SAMD12: variants seen among roughly 807,000 people sequenced by gnomAD.
The protein encoded by SAMD12 is sterile alpha motif domain containing 12.
SAMD12 carries 9 observed loss-of-function variants against 15.0 expected under a neutral mutation model. The observed-to-expected ratio is 0.60, with a 90% CI of 0.36 to 1.05. SAMD12 has a LOEUF of 1.05. SAMD12 is among the 50% of genes least tolerant of loss of function. SAMD12 has a pLI of 0.01. For synonymous variants in SAMD12, 86 were observed against 90.1 expected (o/e 0.96, Z 0.25); for missense variants, 230 against 234.2 (o/e 0.98, Z 0.12).
At chr8:118,153,761 C>T in the SAMD12 span, among the ~76,000 whole-genome samples, 1 of 152,102 alleles carries the variant, frequency 6.6e-6, no homozygotes, top group Admixed American at 6.6e-5. Flanking sequence ...TTACCTTTCC[C>T]CTTCCTCCAT....
the SAMD12 span, among the ~76,000 whole-genome samples, chr8:118,175,792 A>G: frequency 1.3e-5 from 2 of 152,354 alleles, no homozygotes; most frequent in East Asian, 3.9e-4. Flanking sequence ...ATGATATATC[A>G]TATCACACTG....
At chr8:118,446,095 T>C (rs1264582302) in intron 2 of SAMD12, among the ~76,000 whole-genome samples, 2 of 152,176 alleles carry the variant, frequency 1.3e-5, no homozygotes, top group East Asian at 3.9e-4. Context: ...CGTATTTGCA[T>C]AATTTACATA....
intron 2 of SAMD12, among the ~76,000 whole-genome samples, chr8:118,493,805 G>T (rs1824521039): frequency 6.6e-6 from 1 of 152,124 alleles, no homozygotes; most frequent in Admixed American, 6.6e-5. Context: ...GAAATAGGAG[G>T]TGGACACCAC....
intron 2 of SAMD12, among the ~76,000 whole-genome samples, chr8:118,574,942 C>T (rs763822978): frequency 8.5e-5 from 13 of 152,194 alleles, no homozygotes; most frequent in Non-Finnish European, 1.6e-4. Flanking sequence ...CAGACCTTCT[C>T]AAAGGCAGCT....
chr8:118,270,586 TG>T (rs34730065), intron 4 of SAMD12, among the ~76,000 whole-genome samples: 27,520 of 152,188 alleles, frequency 0.18, 2,577 homozygotes, highest in Non-Finnish European at 0.21. Flanking sequence ...TTACTTTTGC[TG>T]TACATGTAGC....
intron 2 of SAMD12, among the ~76,000 whole-genome samples, chr8:118,478,395 G>A (rs2515009): frequency 0.13 from 19,552 of 152,232 alleles, 1,402 homozygotes; most frequent in East Asian, 0.27. Flanking sequence ...CAGGAACCAG[G>A]GAAGAGCCAA....
At chr8:118,170,444 C>T in the SAMD12 span, among the ~76,000 whole-genome samples, 1 of 152,092 alleles carries the variant, frequency 6.6e-6, no homozygotes, top group African/African-American at 2.4e-5. Context: ...ACACATAATT[C>T]TCAACCAATA....
chr8:118,430,051 GGTAA>G (rs1419113604), intron 3 of SAMD12, among the ~76,000 whole-genome samples: 1 of 151,990 alleles, frequency 6.6e-6, no homozygotes, highest in Non-Finnish European at 1.5e-5. Flanking sequence ...CTACTTTTCT[GGTAA>G]GTTTTTTAAA....
chr8:118,612,830 T>C (rs1828140859), intron 1 of SAMD12, among the ~76,000 whole-genome samples: 1 of 152,228 alleles, frequency 6.6e-6, no homozygotes, highest in East Asian at 1.9e-4. Context: ...AATTAGTGAA[T>C]AAACTGCTGT....
At chr8:118,537,295 G>A (rs1825870806) in intron 2 of SAMD12, among the ~76,000 whole-genome samples, 3 of 151,998 alleles carry the variant, frequency 2.0e-5, no homozygotes, top group African/African-American at 7.2e-5. Context: ...TAACCTTCTT[G>A]TACTTGAATA....
At chr8:118,212,016 C>T (rs1392310077) in intron 4 of SAMD12, among the ~76,000 whole-genome samples, 1 of 151,938 alleles carries the variant, frequency 6.6e-6, no homozygotes, top group African/African-American at 2.4e-5. Context: ...TGAACCACAG[C>T]TTCCTCATGT....
intron 4 of SAMD12, among the ~76,000 whole-genome samples, chr8:118,265,626 C>G (rs969649028): frequency 9.2e-5 from 14 of 151,416 alleles, no homozygotes; most frequent in African/African-American, 3.2e-4. Context: ...ACTAGATTCC[C>G]TCTCTTTGGA....
At chr8:118,158,513 C>T in the SAMD12 span, among the ~76,000 whole-genome samples, 960 of 152,308 alleles carry the variant, frequency 6.3e-3, 12 homozygotes, top group African/African-American at 0.021. Flanking sequence ...ATGCATTGGC[C>T]TGCAGGTGCC....
intron 3 of SAMD12, among the ~76,000 whole-genome samples, chr8:118,406,051 T>A (rs906228811): frequency 6.6e-6 from 1 of 152,140 alleles, no homozygotes; most frequent in Non-Finnish European, 1.5e-5. Context: ...AATGTTGGTT[T>A]AACCAGGTTA....
chr8:118,468,915 T>G (rs1391800421), intron 2 of SAMD12, among the ~76,000 whole-genome samples: 3 of 152,184 alleles, frequency 2.0e-5, no homozygotes, highest in African/African-American at 4.8e-5. Context: ...AATCCAAAAG[T>G]ATTAAGTTGC....
intron 4 of SAMD12, among the ~76,000 whole-genome samples, chr8:118,210,833 T>A (rs1312671077): frequency 6.6e-6 from 1 of 152,178 alleles, no homozygotes; most frequent in Non-Finnish European, 1.5e-5. Flanking sequence ...AGGCCTCACA[T>A]ATTCTCTCAA....
chr8:118,167,895 G>T, the SAMD12 span, among the ~76,000 whole-genome samples: 1 of 152,058 alleles, frequency 6.6e-6, no homozygotes, highest in East Asian at 1.9e-4. Flanking sequence ...GGGGAGCATT[G>T]ACATCCAACT....
intron 1 of SAMD12, among the ~76,000 whole-genome samples, chr8:118,596,215 C>T (rs1477511986): frequency 6.6e-6 from 1 of 152,204 alleles, no homozygotes; most frequent in Non-Finnish European, 1.5e-5. Context: ...TCAGAAAATA[C>T]ATGTGTCCTT....
chr8:118,380,998 C>T (rs1819643013), intron 3 of SAMD12, among the ~76,000 whole-genome samples: 1 of 152,142 alleles, frequency 6.6e-6, no homozygotes, highest in African/African-American at 2.4e-5. Flanking sequence ...AGAGAAGGTG[C>T]TAGAAGATCT....
Sources: gnomAD v4.1 joint callset for allele counts (sites outside exome capture counted in the v4.1 genomes callset) on GRCh38, gnomAD v4.1.1 for gene constraint, MANE v1.5 for transcripts, NCBI Gene and HGNC (gene_info 2026-07-23, HGNC 2026-07-21) for gene names.